The following SHOC2 variants were observed in gnomAD, a reference collection of about 807,000 sequenced individuals.
The protein encoded by SHOC2 is SHOC2 leucine rich repeat scaffold protein, also known as leucine-rich repeat protein SHOC-2.
In SHOC2, 4 loss-of-function variants were observed where a neutral mutation model predicts 50.2. The ratio of observed to expected loss-of-function variants is 0.08; its 90% CI spans 0.04 to 0.18. The LOEUF (loss-of-function observed/expected upper bound fraction) is 0.18, where lower values mean the gene tolerates loss of function less well. Ranked by LOEUF, SHOC2 falls within the 10% of genes least tolerant of loss-of-function variation. The pLI, the probability that SHOC2 is intolerant of heterozygous loss-of-function variation, is 1.00. For missense variants in SHOC2, 388 were observed against 669.6 expected, an observed-to-expected ratio of 0.58 and a Z score of 4.64; for synonymous variants, 218 against 244.5, an observed-to-expected ratio of 0.89 and a Z score of 1.01.
At chr10:110,937,931 A>C (rs184100181) in intron 1 of SHOC2, among the ~76,000 whole-genome samples, 1 of 152,194 alleles carries the variant, frequency 6.6e-6, no homozygotes, top group African/African-American at 2.4e-5. Flanking sequence ...TTAGTTTTAG[A>C]GTGCTCATCA....
chr10:110,956,739 T>A (rs1847471464), intron 1 of SHOC2, among the ~76,000 whole-genome samples: 2 of 152,130 alleles, frequency 1.3e-5, no homozygotes, highest in African/African-American at 4.8e-5. Context: ...TCTGTTACCT[T>A]ATATAATCAT....
intron 2 of SHOC2, among the ~76,000 whole-genome samples, chr10:110,975,401 C>G (rs1020370809): frequency 6.6e-6 from 1 of 152,292 alleles, no homozygotes; most frequent in Admixed American, 6.5e-5. Context: ...CTCGGCCTCC[C>G]AAAGTGCTGG....
At chr10:110,963,907 C>G (rs1398618237) in intron 1 of SHOC2, among the ~76,000 whole-genome samples, 1 of 152,128 alleles carries the variant, frequency 6.6e-6, no homozygotes. Context: ...AAGTAACTTA[C>G]ATTCATACAT....
intron 1 of SHOC2, among the ~76,000 whole-genome samples, chr10:110,949,739 C>T (rs1847314507): frequency 6.6e-6 from 1 of 152,146 alleles, no homozygotes; most frequent in South Asian, 2.1e-4. Flanking sequence ...ACACAGTGAG[C>T]AAGTGGGATT....
At chr10:110,954,764 G>A (rs1847425500) in intron 1 of SHOC2, among the ~76,000 whole-genome samples, 1 of 152,190 alleles carries the variant, frequency 6.6e-6, no homozygotes, top group East Asian at 1.9e-4. Flanking sequence ...AAGGGGTGAA[G>A]CTTGAGGTGA....
intron 1 of SHOC2, among the ~76,000 whole-genome samples, chr10:110,944,900 A>C (rs1847218176): frequency 6.6e-6 from 1 of 152,144 alleles, no homozygotes; most frequent in Non-Finnish European, 1.5e-5. Flanking sequence ...GCATGCCTTC[A>C]ACACTCAGCT....
rs118065237 is a variant in SHOC2, at chr10:110,949,232, A to G, written c.-234-14893A>G. Among the ~76,000 whole-genome samples the G allele has an allele frequency of 4.3e-4, 65 of 152,294 alleles. 1 individual carries two copies. The East Asian group carries it at 8.9e-3, about 21-fold the overall frequency. On this transcript the variant is annotated intron_variant, in intron 1 of 8. Transcript: ENST00000369452. ...CTAGACTATGCAAAAAAAGGACTCA[A>G]TTAAAATTACAAATGAAAGAGAAGC...
At chr10:110,942,234 G>C (rs1847162123) in intron 1 of SHOC2, among the ~76,000 whole-genome samples, 1 of 152,178 alleles carries the variant, frequency 6.6e-6, no homozygotes, top group South Asian at 2.1e-4. Flanking sequence ...CGTCAGGAAG[G>C]TCTTTAAATA....
chr10:110,980,156 C>T (rs1271056854), intron 2 of SHOC2, among the ~76,000 whole-genome samples: 1 of 147,664 alleles, frequency 6.8e-6, no homozygotes, highest in Non-Finnish European at 1.5e-5. Flanking sequence ...CCATTCCTGT[C>T]ACTTTTTTTT....
intron 5 of SHOC2, among the ~76,000 whole-genome samples, 198 bp downstream of exon 5, chr10:111,004,992 T>C (rs534670550): frequency 1.2e-4 from 18 of 152,292 alleles, no homozygotes; most frequent in African/African-American, 3.8e-4. Flanking sequence ...GATTTTGTCC[T>C]AAAGAAATCA....
At position 110,982,664 on chromosome 10, in the gene SHOC2, G is replaced by T. The variant is rs1409111952; in HGVS notation, c.704-2964G>T. Among the ~76,000 whole-genome samples, 26 of 151,966 alleles carry T rather than the reference G, an allele frequency of 1.7e-4. 1 individual carries two copies. Among genetic ancestry groups the T allele is most frequent in the Admixed American group, 1.6e-3 (25 of 15,248 alleles). ...CTGCATAAATGTCTTCTTTTGAGAA[G>T]TGTCTGTTCATGTCCTTTGCCCACT... On this transcript the variant is annotated intron_variant, in intron 2 of 8. Coordinates refer to ENST00000369452, the MANE Select transcript of SHOC2 (RefSeq NM_007373.4).
chr10:110,931,290 AT>A (rs1410240076), intron 1 of SHOC2, among the ~76,000 whole-genome samples: 2 of 152,136 alleles, frequency 1.3e-5, no homozygotes, highest in Admixed American at 6.6e-5. Context: ...GTTAGCCTCT[AT>A]CCCCTACCTC....
At position 111,009,938 on chromosome 10, in the gene SHOC2, T is replaced by C. The variant is rs142464681; in HGVS notation, c.1540+108T>C. ...TCTATTGTTTTTTAAACTGAGGTTA[T>C]ATCAGGCTTAAGATTTTTTTTTTTA... On this transcript the variant is annotated intron_variant, in intron 8 of 8. Coordinates refer to ENST00000369452, the MANE Select transcript of SHOC2 (RefSeq NM_007373.4). 294 of 735,820 alleles carry C rather than the reference T, an allele frequency of 4.0e-4. 1 individual carries two copies. In the African/African-American group the frequency reaches 4.8e-3, roughly 12 times the overall value. The allele number at this position is 735,820 out of a possible 1,614,324, so 45.6% of individuals were successfully genotyped here.
At position 110,949,715 on chromosome 10, in the gene SHOC2, A is replaced by G. The variant is rs141005315; in HGVS notation, c.-234-14410A>G. 2.2e-4 allele frequency among the ~76,000 whole-genome samples: 34 copies of G among 152,336 alleles called. No individual in the cohort carries two copies. In the East Asian group the frequency reaches 5.4e-3, roughly 24 times the overall value. Reference sequence around the variant, plus strand: ...ACTACTAAACTGAATTCAGCAACACATTAAAAGGTTCACACACAGTGAGCA... The same window carrying G: ...ACTACTAAACTGAATTCAGCAACACGTTAAAAGGTTCACACACAGTGAGCA... On this transcript the variant is annotated intron_variant, in intron 1 of 8. Transcript: ENST00000369452.
At position 111,004,730 on chromosome 10, in the gene SHOC2, G is replaced by A. The variant is rs1219277268; in HGVS notation, c.1097G>A (p.Arg366Gln). ...TATTCCCTCAACATGGAACACAATC[G>A]AATCAACAAAATTCCATTTGGAATT... The part of the protein sequence containing the change: ...TIYSLNMEHN[R>Q]INKIPFGIFS... The change falls in exon 5 of 9, where the codon CGA (arginine) becomes CAA (glutamine). Residue 366 changes from arginine to glutamine, a missense_variant. This residue lies in a region of SHOC2 where 48 missense variants were observed against 151.6 expected (regional missense o/e 0.32). Transcript: ENST00000369452. The A allele has an allele frequency of 3.7e-6, 6 of 1,613,584 alleles. No individual in the cohort carries two copies. The highest frequency in any genetic ancestry group is 2.2e-5 in the South Asian group (2 of 91,062).
At chr10:110,943,355 C>G (rs753584270) in intron 1 of SHOC2, among the ~76,000 whole-genome samples, 118 of 151,628 alleles carry the variant, frequency 7.8e-4, no homozygotes, top group Non-Finnish European at 1.5e-3. Context: ...TGCTGTTGAA[C>G]CCTTCTAGTG....
intron 8 of SHOC2, among the ~76,000 whole-genome samples, chr10:111,011,386 T>C (rs1481091014): frequency 6.6e-6 from 1 of 152,162 alleles, no homozygotes; most frequent in Non-Finnish European, 1.5e-5. Flanking sequence ...ATTTAGTTTG[T>C]ATGAAGTGTG....
chr10:110,985,490 TA>T, intron 2 of SHOC2, 137 bp from the exon 3 acceptor site: 1 of 576,554 alleles, frequency 1.7e-6, no homozygotes, highest in Non-Finnish European at 3.0e-6. Context: ...AATTTTAAAA[TA>T]AAAGTTGCCT....
intron 3 of SHOC2, among the ~76,000 whole-genome samples, chr10:110,987,896 A>G (rs1848110271): frequency 6.6e-6 from 1 of 152,178 alleles, no homozygotes; most frequent in South Asian, 2.1e-4. Context: ...CAAAGTGATG[A>G]TCTCTAGGAT....
Sources: allele counts gnomAD v4.1 joint callset (sites outside exome capture counted in the v4.1 genomes callset), GRCh38; gene constraint gnomAD v4.1.1; regional missense constraint gnomAD v4.1.1; transcripts MANE v1.5; gene names NCBI Gene and HGNC (gene_info 2026-07-23, HGNC 2026-07-21).